The following HS6ST3 variants were observed in gnomAD, a reference collection of about 807,000 sequenced individuals.
The protein encoded by HS6ST3 is heparan sulfate 6-O-sulfotransferase 3.
In HS6ST3, 12 loss-of-function variants were observed where a neutral mutation model predicts 36.7. The ratio of observed to expected loss-of-function variants is 0.33; its 90% CI spans 0.21 to 0.53. The LOEUF is 0.53. Among genes scored for constraint, HS6ST3 ranks in the 20% least tolerant of loss-of-function variants. The probability of loss-of-function intolerance (pLI) is 0.95; values close to 1 mark genes in which losing one functional copy is unlikely to be tolerated. For missense variants in HS6ST3, 584 were observed against 640.9 expected (o/e 0.91, Z 0.96); for synonymous variants, 240 against 257.5 (o/e 0.93, Z 0.65).
At chr13:96,273,582 C>T (rs1181690786) in intron 1 of HS6ST3, among the ~76,000 whole-genome samples, 4 of 151,624 alleles carry the variant, frequency 2.6e-5, no homozygotes, top group Non-Finnish European at 4.4e-5. Context: ...GCTACTGAGG[C>T]TTGGAGTTGT....
At chr13:96,332,026 C>T (rs529812940) in intron 1 of HS6ST3, among the ~76,000 whole-genome samples, 10 of 152,350 alleles carry the variant, frequency 6.6e-5, no homozygotes, top group Admixed American at 2.0e-4. Context: ...GGCAATGCCT[C>T]GCCTTGCTTC....
chr13:96,316,538 C>A (rs1223380123), intron 1 of HS6ST3, among the ~76,000 whole-genome samples: 2 of 152,124 alleles, frequency 1.3e-5, no homozygotes, highest in African/African-American at 4.8e-5. Context: ...TAGGGAAGGT[C>A]TTTGTCCATT....
At chr13:96,543,972 T>A (rs1390052311) in intron 1 of HS6ST3, among the ~76,000 whole-genome samples, 6 of 151,106 alleles carry the variant, frequency 4.0e-5, no homozygotes, top group Non-Finnish European at 8.8e-5. Context: ...TATATATATA[T>A]AATTCTAAAC....
At chr13:96,386,821 G>T (rs2055371000) in intron 1 of HS6ST3, among the ~76,000 whole-genome samples, 1 of 152,164 alleles carries the variant, frequency 6.6e-6, no homozygotes, top group Non-Finnish European at 1.5e-5. Context: ...AGCTGAGATT[G>T]CACCACTGCA....
chr13:96,395,228 G>T, intron 1 of HS6ST3, among the ~76,000 whole-genome samples: 1 of 152,244 alleles, frequency 6.6e-6, no homozygotes, highest in Middle Eastern at 3.4e-3. Flanking sequence ...AGTACTACTA[G>T]AGAATGACAA....
At chr13:96,428,331 G>A (rs1257945956) in intron 1 of HS6ST3, among the ~76,000 whole-genome samples, 3 of 152,202 alleles carry the variant, frequency 2.0e-5, no homozygotes, top group South Asian at 2.1e-4. Flanking sequence ...GGGCGACAGA[G>A]CGAGACTCCG....
chr13:96,749,228 A>G (rs941056922), intron 1 of HS6ST3, among the ~76,000 whole-genome samples: 5 of 152,158 alleles, frequency 3.3e-5, no homozygotes, highest in Admixed American at 3.3e-4. Flanking sequence ...GATAATTTCA[A>G]CAGAATACTT....
chr13:96,090,868 TGAAAG>T lies in HS6ST3; in HGVS notation c.8_12del (p.Glu3ValfsTer172). On this transcript the variant is annotated frameshift_variant, in exon 1 of 2. Coordinates refer to ENST00000376705, the MANE Select transcript of HS6ST3 (RefSeq NM_153456.4). LOFTEE classifies it high-confidence loss of function. Reference sequence around the variant, plus strand: ...GCCGGCCTGAGAGCGGGACCATGGATGAAAGGTTCAACAAGTGGCTGCTGACGCCG... The same window carrying T: ...GCCGGCCTGAGAGCGGGACCATGGATGTTCAACAAGTGGCTGCTGACGCCG... The T allele has an allele frequency of 6.6e-7, 1 of 1,507,754 alleles. No homozygotes were observed. The highest frequency in any genetic ancestry group is 8.9e-7 in the Non-Finnish European group (1 of 1,122,420). 93.4% of individuals were successfully genotyped at this position (1,507,754 alleles called of 1,614,324 possible).
At chr13:96,163,420 G>A (rs1394569555) in intron 1 of HS6ST3, among the ~76,000 whole-genome samples, 3 of 151,696 alleles carry the variant, frequency 2.0e-5, no homozygotes, top group African/African-American at 4.8e-5. Context: ...TAGTAGAGAT[G>A]GGGTTTCACC....
chr13:96,619,010 T>G, intron 1 of HS6ST3, among the ~76,000 whole-genome samples: 1 of 152,090 alleles, frequency 6.6e-6, no homozygotes, highest in Middle Eastern at 3.2e-3. Flanking sequence ...GTTGGGTTTT[T>G]TTTTTTTTAA....
chr13:96,119,470 TTTA>T (rs1277004125), intron 1 of HS6ST3, among the ~76,000 whole-genome samples: 1 of 152,166 alleles, frequency 6.6e-6, no homozygotes, highest in African/African-American at 2.4e-5. Context: ...TAAATATTGT[TTTA>T]TTATTAGAGT....
At chr13:96,515,373 C>T (rs113550957) in intron 1 of HS6ST3, among the ~76,000 whole-genome samples, 2 of 152,166 alleles carry the variant, frequency 1.3e-5, no homozygotes, top group South Asian at 2.1e-4. Flanking sequence ...TTAGCAAGCT[C>T]CTTGCTAATA....
chr13:96,253,208 A>G (rs945543592), intron 1 of HS6ST3, among the ~76,000 whole-genome samples: 1 of 151,744 alleles, frequency 6.6e-6, no homozygotes, highest in African/African-American at 2.4e-5. Context: ...GCTGTTGAGA[A>G]CTGCAGGCCA....
At chr13:96,526,414 A>G (rs1158427263) in intron 1 of HS6ST3, among the ~76,000 whole-genome samples, 3 of 151,924 alleles carry the variant, frequency 2.0e-5, no homozygotes, top group Non-Finnish European at 2.9e-5. Context: ...GCTGTGGGGG[A>G]TTTATTTTAT....
chr13:96,222,966 G>A (rs962127824), intron 1 of HS6ST3, among the ~76,000 whole-genome samples: 1 of 152,116 alleles, frequency 6.6e-6, no homozygotes, highest in Non-Finnish European at 1.5e-5. Context: ...AGGAGCTTCT[G>A]TGGCATTGTT....
chr13:96,478,304 G>A (rs2055873729), intron 1 of HS6ST3, among the ~76,000 whole-genome samples: 1 of 152,186 alleles, frequency 6.6e-6, no homozygotes, highest in African/African-American at 2.4e-5. Flanking sequence ...CAGTGAAAAT[G>A]TGTAGAGAAG....
chr13:96,163,948 T>C (rs1221835978), intron 1 of HS6ST3, among the ~76,000 whole-genome samples: 3 of 152,200 alleles, frequency 2.0e-5, no homozygotes, highest in Non-Finnish European at 4.4e-5. Flanking sequence ...TTTTATAGTC[T>C]TGTTGGCATT....
intron 1 of HS6ST3, among the ~76,000 whole-genome samples, chr13:96,593,868 A>G (rs920064213): frequency 2.0e-5 from 3 of 151,822 alleles, no homozygotes; most frequent in Non-Finnish European, 2.9e-5. Context: ...TTCCATTTGC[A>G]TGGAATATCT....
intron 1 of HS6ST3, among the ~76,000 whole-genome samples, chr13:96,115,127 G>A (rs909308314): frequency 6.6e-6 from 1 of 152,134 alleles, no homozygotes. Flanking sequence ...TCTGTTGAAG[G>A]GGTCAGGGAC....
Sources: gnomAD v4.1 joint callset for allele counts (sites outside exome capture counted in the v4.1 genomes callset) on GRCh38, gnomAD v4.1.1 for gene constraint, MANE v1.5 for transcripts, NCBI Gene and HGNC (gene_info 2026-07-23, HGNC 2026-07-21) for gene names.